Variants in ZBTB7C observed in about 807,000 individuals in gnomAD.
ZBTB7C encodes zinc finger and BTB domain-containing protein 7C.
In ZBTB7C, 8 loss-of-function variants were observed where a neutral mutation model predicts 25.7. The ratio of observed to expected loss-of-function variants is 0.31; its 90% confidence interval spans 0.18 to 0.56. The LOEUF is 0.56. ZBTB7C is among the 20% of genes least tolerant of loss of function. ZBTB7C has a pLI of 0.91. For synonymous variants in ZBTB7C, 394 were observed against 369.0 expected, an observed-to-expected ratio of 1.07 and a Z score of -0.78; for missense variants, 824 against 855.2, an observed-to-expected ratio of 0.96 and a Z score of 0.46.
intron 3 of ZBTB7C, among the ~76,000 whole-genome samples, chr18:48,060,030 A>T (rs1428132403): frequency 6.6e-6 from 1 of 152,058 alleles, no homozygotes; most frequent in Non-Finnish European, 1.5e-5. Flanking sequence ...CCTTTGTAAA[A>T]CGGTGTCTAA....
intron 3 of ZBTB7C, among the ~76,000 whole-genome samples, chr18:48,075,117 C>T (rs1486043046): frequency 6.6e-6 from 1 of 152,260 alleles, no homozygotes; most frequent in Middle Eastern, 3.4e-3. Context: ...TACAGACTTC[C>T]ATGTGTTTTC....
chr18:48,289,190 C>T (rs944098902), intron 2 of ZBTB7C, among the ~76,000 whole-genome samples: 26 of 152,104 alleles, frequency 1.7e-4, no homozygotes, highest in African/African-American at 6.3e-4. Flanking sequence ...AGTAATTGGA[C>T]AATATCAAAC....
intron 3 of ZBTB7C, among the ~76,000 whole-genome samples, chr18:48,158,163 A>G (rs992537821): frequency 6.6e-6 from 1 of 152,218 alleles, no homozygotes; most frequent in African/African-American, 2.4e-5. Context: ...CCAGGGGCAA[A>G]CACTGGCTCC....
intron 1 of ZBTB7C, among the ~76,000 whole-genome samples, chr18:48,401,040 C>G (rs1226737320): frequency 1.3e-5 from 2 of 152,184 alleles, no homozygotes; most frequent in Non-Finnish European, 2.9e-5. Context: ...ATGATTTTAA[C>G]AAGTGCATCT....
At chr18:48,198,824 C>T (rs765656464) in intron 2 of ZBTB7C, among the ~76,000 whole-genome samples, 1 of 152,162 alleles carries the variant, frequency 6.6e-6, no homozygotes, top group Non-Finnish European at 1.5e-5. Context: ...ATGTGGACAT[C>T]TTTGGGAGAC....
At chr18:48,343,713 C>T (rs932197215) in intron 1 of ZBTB7C, among the ~76,000 whole-genome samples, 2 of 152,194 alleles carry the variant, frequency 1.3e-5, no homozygotes, top group Non-Finnish European at 2.9e-5. Context: ...CACTCCTTCC[C>T]CTAATAGCCT....
intron 4 of ZBTB7C, among the ~76,000 whole-genome samples, chr18:48,035,455 G>C (rs1441613310): frequency 2.6e-5 from 4 of 152,236 alleles, no homozygotes; most frequent in African/African-American, 7.2e-5. Flanking sequence ...ATGCTCTCTA[G>C]GAGCTACTAA....
upstream of ZBTB7C, among the ~76,000 whole-genome samples, chr18:48,410,344 A>T (rs1424532609): frequency 6.6e-6 from 1 of 152,120 alleles, no homozygotes. Flanking sequence ...GCCGGGGAGC[A>T]GCCGCTGGCC....
At chr18:48,169,928 C>T (rs1294615528) in intron 3 of ZBTB7C, 1 of 152,396 alleles carries the variant, frequency 6.6e-6, no homozygotes, top group Non-Finnish European at 1.5e-5. Context: ...TCTCTGTTCT[C>T]TCTGTTATGA....
intron 3 of ZBTB7C, among the ~76,000 whole-genome samples, chr18:48,114,722 C>A (rs547609862): frequency 1.3e-5 from 2 of 152,270 alleles, no homozygotes; most frequent in Non-Finnish European, 2.9e-5. Flanking sequence ...TCATTGGGAT[C>A]ATGGAATACT....
At chr18:48,171,107 G>C (rs1381789181) in intron 3 of ZBTB7C, among the ~76,000 whole-genome samples, 1 of 152,208 alleles carries the variant, frequency 6.6e-6, no homozygotes, top group Non-Finnish European at 1.5e-5. Context: ...AGACTCCCTT[G>C]GCAGTAGAAG....
intron 3 of ZBTB7C, among the ~76,000 whole-genome samples, chr18:48,130,048 G>A (rs1409720089): frequency 1.3e-5 from 2 of 152,200 alleles, no homozygotes; most frequent in African/African-American, 2.4e-5. Context: ...GTAGGGGAGG[G>A]TAAGGGAGCA....
chr18:48,335,117 C>T (rs1302720980), intron 2 of ZBTB7C, among the ~76,000 whole-genome samples: 1 of 152,208 alleles, frequency 6.6e-6, no homozygotes, highest in Admixed American at 6.5e-5. Flanking sequence ...GGGCTAAGGC[C>T]CAGGCCTCAC....
At chr18:48,111,162 G>A (rs1234030668) in intron 3 of ZBTB7C, among the ~76,000 whole-genome samples, 3 of 152,148 alleles carry the variant, frequency 2.0e-5, no homozygotes, top group Non-Finnish European at 2.9e-5. Context: ...TGGGTTTCTG[G>A]GTGTGTCACC....
intron 1 of ZBTB7C, among the ~76,000 whole-genome samples, chr18:48,347,906 G>A (rs2046778362): frequency 6.6e-6 from 1 of 152,202 alleles, no homozygotes; most frequent in Non-Finnish European, 1.5e-5. Flanking sequence ...GCAAGACACT[G>A]AGGTCAACAT....
intron 3 of ZBTB7C, among the ~76,000 whole-genome samples, chr18:48,050,512 C>T (rs1443140506): frequency 6.6e-6 from 1 of 152,208 alleles, no homozygotes; most frequent in Admixed American, 6.5e-5. Flanking sequence ...CCCACTCAGC[C>T]CCTCAGGGTT....
At chr18:48,174,573 AAC>A (rs2041606756) in intron 3 of ZBTB7C, among the ~76,000 whole-genome samples, 1 of 152,246 alleles carries the variant, frequency 6.6e-6, no homozygotes, top group African/African-American at 2.4e-5. Context: ...AAGCATATGA[AAC>A]ACACATGCAC....
chr18:48,189,887 C>G (rs995472313), intron 2 of ZBTB7C, among the ~76,000 whole-genome samples: 3 of 152,170 alleles, frequency 2.0e-5, no homozygotes, highest in Non-Finnish European at 4.4e-5. Context: ...GGCTCGGTGA[C>G]CAGCCAGTGC....
rs370300681 is a variant in ZBTB7C, at chr18:48,041,090, A to G, written c.18T>C (p.Asp6=). The change falls in exon 4 of 5, where the codon GAT becomes GAC. Residue 6 remains aspartate (D), a synonymous_variant. Coordinates refer to ENST00000590800, the MANE Select transcript of ZBTB7C (RefSeq NM_001318841.2). The part of the protein sequence containing the change: MANDI[D]ELIGIPFPNH... ...TGGGGAAGGGAATGCCAATGAGCTC[A>G]TCAATGTCATTGGCCATGTTCTCAG... 6.2e-7 allele frequency: 1 copy of G among 1,602,016 alleles called. No individual in the cohort carries two copies.
Sources: allele counts gnomAD v4.1 joint callset (sites outside exome capture counted in the v4.1 genomes callset), GRCh38; gene constraint gnomAD v4.1.1; transcripts MANE v1.5; gene names NCBI Gene and HGNC (gene_info 2026-07-23, HGNC 2026-07-21).